MAGT1: variants seen among roughly 807,000 people sequenced by gnomAD.
MAGT1 encodes magnesium transporter 1.
Under a neutral mutation model 28.4 loss-of-function variants are expected in MAGT1, and 4 were observed. That is an observed-to-expected ratio of 0.14 (90% CI 0.07 to 0.32). The LOEUF (loss-of-function observed/expected upper bound fraction) is 0.32, where lower values mean the gene tolerates loss of function less well. Among genes scored for constraint, MAGT1 ranks in the 10% least tolerant of loss-of-function variants. The probability of loss-of-function intolerance (pLI) is 1.00; values close to 1 mark genes in which losing one functional copy is unlikely to be tolerated. For missense variants in MAGT1, 193 were observed against 264.5 expected, an observed-to-expected ratio of 0.73 and a Z score of 1.88; for synonymous variants, 89 against 89.7, an observed-to-expected ratio of 0.99 and a Z score of 0.04.
Position 77,841,320 on chromosome X carries a change from T to C in MAGT1, c.827A>G (p.Asn276Ser). ...CACCATTCCTAAGGTAACTCCACCA[T>C]CTAAGAAAAATTGTTTAAGGAGAAA... Reference protein sequence around the residue: ...VAETHIVLLFNGGVTLGMVLL... With the variant: ...VAETHIVLLFSGGVTLGMVLL... Residue 276 changes from asparagine to serine, a missense_variant and splice_region_variant, in exon 8 of 10, where the codon AAT becomes AGT. Transcript: ENST00000618282. 8.5e-7 allele frequency: 1 copy of C among 1,177,293 alleles called. No homozygotes were observed. Among genetic ancestry groups the C allele is most frequent in the Non-Finnish European group, 1.2e-6 (1 of 864,472 alleles).
At chrX:77,870,122 C>A (rs1479661343) in intron 3 of MAGT1, among the ~76,000 whole-genome samples, 1 of 111,615 alleles carries the variant, frequency 9.0e-6, no homozygotes, top group African/African-American at 3.3e-5. Flanking sequence ...AGCGGGAGGT[C>A]ATTATTCTAA....
intron 8 of MAGT1, among the ~76,000 whole-genome samples, chrX:77,834,952 A>G (rs1211878906): frequency 9.2e-6 from 1 of 108,644 alleles, no homozygotes; most frequent in Non-Finnish European, 1.9e-5. Flanking sequence ...GAAAAAACAT[A>G]AAATCTTTTT....
intron 2 of MAGT1, among the ~76,000 whole-genome samples, chrX:77,871,562 G>A (rs1429510396): frequency 9.0e-6 from 1 of 111,432 alleles, no homozygotes; most frequent in Non-Finnish European, 1.9e-5. Context: ...ACAAAAATTA[G>A]GCCAGGTGCA....
intron 1 of MAGT1, among the ~76,000 whole-genome samples, chrX:77,879,788 T>G (rs1557218231): frequency 9.1e-6 from 1 of 109,744 alleles, no homozygotes; most frequent in Non-Finnish European, 1.9e-5. Flanking sequence ...CAAAACTTTT[T>G]TTTTCACTTT....
chrX:77,830,564 G>A (rs2076894709), intron 9 of MAGT1, among the ~76,000 whole-genome samples: 1 of 110,219 alleles, frequency 9.1e-6, no homozygotes, highest in Admixed American at 9.8e-5. Flanking sequence ...GCAGTGAGCC[G>A]AGATTGCGCC....
chrX:77,846,963 C>G (rs1435420769), intron 7 of MAGT1, among the ~76,000 whole-genome samples: 2 of 111,908 alleles, frequency 1.8e-5, no homozygotes, highest in Admixed American at 1.9e-4. Context: ...TCAAAGCTGT[C>G]AGACAGGGAC....
At chrX:77,843,281 G>A (rs900502515) in intron 7 of MAGT1, among the ~76,000 whole-genome samples, 1 of 111,273 alleles carries the variant, frequency 9.0e-6, no homozygotes, top group Non-Finnish European at 1.9e-5. Flanking sequence ...CTGTCACCCA[G>A]GGTGGAGTGC....
In MAGT1 at chrX:77,827,845, A is replaced by G. The variant is rs1322994418; in HGVS notation, c.*1375T>C. Reference sequence around the variant, plus strand: ...TTTAGGCCATGTATAAGTTACACTGATTTTAGCACTAAGCTATATTTTTAT... The same window carrying G: ...TTTAGGCCATGTATAAGTTACACTGGTTTTAGCACTAAGCTATATTTTTAT... On this transcript the variant is annotated 3_prime_UTR_variant, in exon 10 of 10. Transcript: ENST00000618282. The G allele has an allele frequency of 1.8e-5, 2 of 111,757 alleles. No individual in the cohort carries two copies. The highest frequency in any genetic ancestry group is 1.9e-5 in the Non-Finnish European group (1 of 53,164). 9.2% of individuals were successfully genotyped at this position (111,757 alleles called of 1,213,427 possible).
intron 2 of MAGT1, among the ~76,000 whole-genome samples, chrX:77,871,554 A>G (rs1170995402): frequency 9.0e-6 from 1 of 111,709 alleles, no homozygotes; most frequent in African/African-American, 3.2e-5. Context: ...TTAAAAATAC[A>G]AAAATTAGGC....
In MAGT1 at chrX:77,826,646, T is replaced by C. The variant is rs1557212937; in HGVS notation, c.*2574A>G. Reference sequence around the variant, plus strand: ...TTTCTCCTTACAGAAGAATGTGCTCTTAAAGGGAGAAAAAGCAAATACAAA... The same window carrying C: ...TTTCTCCTTACAGAAGAATGTGCTCCTAAAGGGAGAAAAAGCAAATACAAA... On this transcript the variant is annotated 3_prime_UTR_variant, in exon 10 of 10. Coordinates refer to ENST00000618282, the MANE Select transcript of MAGT1 (RefSeq NM_001367916.1). 1 of 112,664 alleles carries C rather than the reference T, an allele frequency of 8.9e-6. No individual in the cohort carries two copies. Among genetic ancestry groups the C allele is most frequent in the African/African-American group, 3.2e-5 (1 of 31,040 alleles). 9.3% of individuals were successfully genotyped at this position (112,664 alleles called of 1,213,427 possible).
rs782494442 is a variant in MAGT1 at position 77,850,090 on chromosome X, C to G, written c.826+3811G>C. Among the ~76,000 whole-genome samples, 10 of 111,144 alleles carry G rather than the reference C, an allele frequency of 9.0e-5. No homozygotes were observed. The East Asian group carries it at 2.3e-3, about 25-fold the overall frequency. ...ATGTGAATATTTTCCAAAATCATAA[C>G]TACTACTTAGAGGTGGCCTCAGTCT... On this transcript the variant is annotated intron_variant, in intron 7 of 9. Transcript: ENST00000618282.
chrX:77,890,142 A>C (rs1381658636), intron 1 of MAGT1, among the ~76,000 whole-genome samples: 1 of 112,441 alleles, frequency 8.9e-6, no homozygotes, highest in Middle Eastern at 4.2e-3. Context: ...AGTACTCCCA[A>C]AACTTATTCG....
Position 77,870,873 on chromosome X carries a change from C to T in MAGT1, c.325G>A (p.Ala109Thr). ...GCAAAAAATATCCTGTTGGTGAATG[C>T]ACTGGAGTATCGCCAGGAGTTTGCC... is the stretch of plus-strand genomic sequence containing the variant. Reference protein sequence around the residue: ...ILANSWRYSSAFTNRIFFAMV... With the variant: ...ILANSWRYSSTFTNRIFFAMV... The change falls in exon 3 of 10, where the codon GCA (alanine) becomes ACA (threonine). Residue 109 changes from alanine to threonine, a missense_variant. Coordinates refer to ENST00000618282, the MANE Select transcript of MAGT1 (RefSeq NM_001367916.1). 8.3e-7 allele frequency: 1 copy of T among 1,210,832 alleles called. No individual in the cohort carries two copies. The highest frequency in any genetic ancestry group is 1.7e-5 in the African/African-American group (1 of 57,850).
At chrX:77,882,015 T>C (rs1217728883) in intron 1 of MAGT1, among the ~76,000 whole-genome samples, 4 of 112,109 alleles carry the variant, frequency 3.6e-5, no homozygotes, top group Admixed American at 9.6e-5. Context: ...ATAAATGTAA[T>C]CCAGCATATA....
intron 7 of MAGT1, among the ~76,000 whole-genome samples, chrX:77,850,682 T>C (rs782378054): frequency 1.8e-5 from 2 of 111,262 alleles, no homozygotes; most frequent in Non-Finnish European, 3.8e-5. Flanking sequence ...AACAGGATTG[T>C]AATCCGTTCC....
intron 7 of MAGT1, among the ~76,000 whole-genome samples, chrX:77,842,947 C>A (rs1478539461): frequency 8.9e-6 from 1 of 112,347 alleles, no homozygotes; most frequent in Non-Finnish European, 1.9e-5. Context: ...TAACAGATGG[C>A]ATGGTTGAAT....
At chrX:77,848,944 G>A (rs2076959440) in intron 7 of MAGT1, among the ~76,000 whole-genome samples, 1 of 109,904 alleles carries the variant, frequency 9.1e-6, no homozygotes, top group Non-Finnish European at 1.9e-5. Flanking sequence ...ATTCTGGGAG[G>A]TCGAGGTTAC....
intron 2 of MAGT1, among the ~76,000 whole-genome samples, chrX:77,872,244 T>C (rs375423618): frequency 1.8e-5 from 2 of 110,751 alleles, no homozygotes; most frequent in African/African-American, 3.3e-5. Flanking sequence ...GGTTTCACCA[T>C]GTTGGCCAGG....
At chrX:77,861,988 T>C (rs1293229133) in intron 3 of MAGT1, among the ~76,000 whole-genome samples, 2 of 111,491 alleles carry the variant, frequency 1.8e-5, no homozygotes, top group Non-Finnish European at 1.9e-5. Flanking sequence ...ACAATGTGAA[T>C]GTATCTAGCA....
Sources: gnomAD v4.1 joint callset for allele counts (sites outside exome capture counted in the v4.1 genomes callset) on GRCh38, gnomAD v4.1.1 for gene constraint, MANE v1.5 for transcripts, NCBI Gene and HGNC (gene_info 2026-07-23, HGNC 2026-07-21) for gene names.